Variants in PCDHGA1 observed in about 807,000 individuals in gnomAD.
PCDHGA1 encodes protocadherin gamma subfamily A, 1, also known as protocadherin gamma-A1.
A neutral mutation model predicts 58.0 loss-of-function variants in PCDHGA1; 32 were observed. That is an observed-to-expected ratio of 0.55 (90% CI 0.42 to 0.74). The LOEUF (loss-of-function observed/expected upper bound fraction) is 0.74, where lower values mean the gene tolerates loss of function less well. Among genes scored for constraint, PCDHGA1 ranks in the 30% least tolerant of loss-of-function variants. The probability of loss-of-function intolerance (pLI) is 0.00; values close to 1 mark genes in which losing one functional copy is unlikely to be tolerated. For synonymous variants in PCDHGA1, 498 were observed against 501.1 expected (o/e 0.99, Z 0.08); for missense variants, 1,205 against 1,182.3 (o/e 1.02, Z -0.28).
At chr5:141,484,943 C>T (rs542244720) in intron 1 of PCDHGA1, 14 of 546,098 alleles carry the variant, frequency 2.6e-5, no homozygotes, top group African/African-American at 2.3e-4. Flanking sequence ...GTTCTCTGCT[C>T]AGCCTATTGG....
intron 1 of PCDHGA1, among the ~76,000 whole-genome samples, chr5:141,455,650 C>T (rs1176718096): frequency 2.6e-5 from 4 of 151,994 alleles, no homozygotes; most frequent in African/African-American, 9.7e-5. Flanking sequence ...AGCCATGTGG[C>T]CAGGAACTTG....
At chr5:141,418,687 G>T (rs758554600) in intron 1 of PCDHGA1, 1 of 1,613,928 alleles carries the variant, frequency 6.2e-7, no homozygotes, top group African/African-American at 1.3e-5. Context: ...TCAACTCAGA[G>T]ATCACTTATT....
intron 1 of PCDHGA1, chr5:141,399,845 T>G: frequency 6.2e-7 from 1 of 1,612,982 alleles, no homozygotes; most frequent in Non-Finnish European, 8.5e-7. Context: ...CTCTTCGATA[T>G]GGTGCCGCGC....
At chr5:141,427,228 T>C (rs2097002884) in intron 1 of PCDHGA1, 1 of 456,550 alleles carries the variant, frequency 2.2e-6, no homozygotes, top group South Asian at 1.5e-5. Context: ...AGTTATACCA[T>C]GAGAGTAGAA....
chr5:141,475,721 G>C (rs867365261), intron 1 of PCDHGA1, among the ~76,000 whole-genome samples: 5 of 152,248 alleles, frequency 3.3e-5, no homozygotes, highest in Non-Finnish European at 7.3e-5. Context: ...ACAGCCCCAA[G>C]GCTGGCTTTC....
intron 1 of PCDHGA1, among the ~76,000 whole-genome samples, chr5:141,358,006 A>G (rs186822716): frequency 6.6e-5 from 10 of 152,300 alleles, no homozygotes; most frequent in African/African-American, 2.2e-4. Flanking sequence ...TCTGGGCAAC[A>G]TGGTGAAACC....
At chr5:141,426,898 C>T (rs1246109323) in intron 1 of PCDHGA1, 1 of 456,634 alleles carries the variant, frequency 2.2e-6, no homozygotes, top group African/African-American at 2.0e-5. Flanking sequence ...CAACAGAGCT[C>T]TCATCTCCTG....
At chr5:141,346,098 C>T in intron 1 of PCDHGA1, 1 of 1,613,784 alleles carries the variant, frequency 6.2e-7, no homozygotes, top group East Asian at 2.2e-5. Flanking sequence ...CGATTCGGAC[C>T]TCACTCTGTA....
At chr5:141,453,351 C>A (rs1210851703) in intron 1 of PCDHGA1, among the ~76,000 whole-genome samples, 2 of 151,738 alleles carry the variant, frequency 1.3e-5, no homozygotes, top group Non-Finnish European at 2.9e-5. Flanking sequence ...CCAGGCTGAC[C>A]CTGAACTCCT....
chr5:141,478,013 C>G (rs768425714), intron 1 of PCDHGA1: 6 of 1,614,136 alleles, frequency 3.7e-6, no homozygotes. Flanking sequence ...TACTGCCCGT[C>G]CAGTCCAAGA....
chr5:141,365,990 G>A, intron 1 of PCDHGA1: 1 of 1,614,216 alleles, frequency 6.2e-7, no homozygotes, highest in Non-Finnish European at 8.5e-7. Flanking sequence ...GTTTGTGCTG[G>A]ACCAGAACGA....
At chr5:141,404,315 G>T (rs775576610) in intron 1 of PCDHGA1, 2 of 1,613,886 alleles carry the variant, frequency 1.2e-6, no homozygotes, top group African/African-American at 2.7e-5. Context: ...TTTCTCTCAA[G>T]CCTCCTACTC....
intron 1 of PCDHGA1, chr5:141,403,695 G>A (rs376074779): frequency 6.2e-7 from 1 of 1,613,780 alleles, no homozygotes; most frequent in Non-Finnish European, 8.5e-7. Flanking sequence ...CGGATTTACC[G>A]AGTTAAAGTC....
At chr5:141,353,863 T>C (rs773709033) in intron 1 of PCDHGA1, among the ~76,000 whole-genome samples, 4 of 152,250 alleles carry the variant, frequency 2.6e-5, no homozygotes, top group Non-Finnish European at 5.9e-5. Context: ...ACGTTTAATC[T>C]ACTCTCTCAA....
intron 1 of PCDHGA1, among the ~76,000 whole-genome samples, chr5:141,454,836 C>T (rs1201514890): frequency 1.3e-4 from 11 of 85,100 alleles, no homozygotes; most frequent in African/African-American, 2.1e-4. Context: ...GAGACAGAGT[C>T]GCGCTCTGTC....
intron 1 of PCDHGA1, among the ~76,000 whole-genome samples, chr5:141,438,564 T>A (rs1192918137): frequency 1.5e-5 from 2 of 137,114 alleles, no homozygotes; most frequent in Non-Finnish European, 3.1e-5. Flanking sequence ...AAGAGGCAGC[T>A]GTCTGATATA....
At chr5:141,462,627 A>T (rs1200455153) in intron 1 of PCDHGA1, among the ~76,000 whole-genome samples, 1 of 150,276 alleles carries the variant, frequency 6.7e-6, no homozygotes, top group East Asian at 1.9e-4. Flanking sequence ...TAGAAGTTCC[A>T]TTTGACTCTT....
intron 3 of PCDHGA1, 48 bp downstream of exon 3, chr5:141,505,529 T>C (rs1479433990): frequency 1.9e-6 from 3 of 1,612,066 alleles, no homozygotes; most frequent in Non-Finnish European, 2.5e-6. Context: ...CCTGGGGTTC[T>C]GGGGTGCATC....
At chr5:141,433,605 G>A (rs1411907056) in intron 1 of PCDHGA1, among the ~76,000 whole-genome samples, 1 of 152,114 alleles carries the variant, frequency 6.6e-6, no homozygotes, top group South Asian at 2.1e-4. Context: ...GGAGGCCGAG[G>A]CGGGTGGATC....
Sources: gnomAD v4.1 joint callset for allele counts (sites outside exome capture counted in the v4.1 genomes callset) on GRCh38, gnomAD v4.1.1 for gene constraint, MANE v1.5 for transcripts, NCBI Gene and HGNC (gene_info 2026-07-23, HGNC 2026-07-21) for gene names.